TRAPPC12: variants seen among roughly 807,000 people sequenced by gnomAD.
TRAPPC12 encodes the protein TPR repeat protein 15.
TRAPPC12 carries 61 observed loss-of-function variants against 69.2 expected under a neutral mutation model. The observed-to-expected ratio is 0.88, with a 90% confidence interval of 0.72 to 1.09. TRAPPC12 has a LOEUF of 1.09. Among genes scored for constraint, TRAPPC12 ranks in the 50% least tolerant of loss-of-function variants. TRAPPC12 has a pLI of 0.00. For missense variants in TRAPPC12, 1,101 were observed against 1,016.4 expected (o/e 1.08, Z -1.13); for synonymous variants, 469 against 438.9 (o/e 1.07, Z -0.86).
intron 2 of TRAPPC12, 134 bp from the exon 3 acceptor site, chr2:3,401,643 C>T (rs1032270782): frequency 3.4e-5 from 16 of 475,342 alleles, no homozygotes; most frequent in African/African-American, 1.8e-4. Context: ...TGAAGTTTTA[C>T]GATACTATAA....
At chr2:3,456,218 T>C (rs941544201) in intron 6 of TRAPPC12, 13 of 152,226 alleles carry the variant, frequency 8.5e-5, no homozygotes, top group Non-Finnish European at 5.9e-5. Flanking sequence ...CAAATTGTTC[T>C]CCAGTTTCTG....
chr2:3,454,839 C>T (rs1377916346), intron 6 of TRAPPC12: 2 of 152,358 alleles, frequency 1.3e-5, no homozygotes, highest in African/African-American at 4.8e-5. Context: ...CTTGCGTGCT[C>T]ACTACAGAGG....
intron 8 of TRAPPC12, 73 bp from the exon 9 acceptor site, chr2:3,465,524 G>A (rs1665765111): frequency 9.6e-7 from 1 of 1,040,992 alleles, no homozygotes; most frequent in East Asian, 2.4e-5. Context: ...GTATACACTT[G>A]TGCTCTTCTA....
intron 1 of TRAPPC12, among the ~76,000 whole-genome samples, chr2:3,383,871 G>GGTTTTTTTT (rs1660352906): frequency 1.2e-5 from 1 of 85,592 alleles, no homozygotes; most frequent in Non-Finnish European, 2.3e-5. Flanking sequence ...GTTCAGTCTT[G>GGTTTTTTTT]TTTTTTTTTT....
intron 3 of TRAPPC12, among the ~76,000 whole-genome samples, chr2:3,412,078 G>A (rs141401921): frequency 6.6e-6 from 1 of 152,126 alleles, no homozygotes. Context: ...TTCTTGTACT[G>A]TCTTCTTGTA....
chr2:3,425,045 C>G (rs1663024856), intron 5 of TRAPPC12, among the ~76,000 whole-genome samples: 1 of 152,240 alleles, frequency 6.6e-6, no homozygotes, highest in African/African-American at 2.4e-5. Flanking sequence ...GTGCATATGG[C>G]ACACGCCGTG....
chr2:3,458,240 G>C, intron 7 of TRAPPC12: 1 of 987,662 alleles, frequency 1.0e-6, no homozygotes, highest in Non-Finnish European at 1.2e-6. Flanking sequence ...CATGCCAGCT[G>C]CAGCTCGGGG....
At chr2:3,388,718 C>G (rs1475995287) in intron 2 of TRAPPC12, 48 bp downstream of exon 2, 2 of 1,466,020 alleles carry the variant, frequency 1.4e-6, no homozygotes, top group Admixed American at 4.2e-5. Flanking sequence ...CTCTCTGCGT[C>G]TGTGAGATAC....
chr2:3,389,664 A>AGG (rs1452433464), intron 2 of TRAPPC12: 1 of 471,010 alleles, frequency 2.1e-6, no homozygotes, highest in Non-Finnish European at 4.4e-6. Flanking sequence ...GGGCAGCCGA[A>AGG]GGGGGTGGGG....
intron 6 of TRAPPC12, among the ~76,000 whole-genome samples, chr2:3,448,847 C>A (rs1664697308): frequency 3.3e-5 from 5 of 151,710 alleles, no homozygotes; most frequent in Non-Finnish European, 7.4e-5. Context: ...GGAAGCTGAT[C>A]CCCCACGGAT....
In TRAPPC12 at chr2:3,479,471, A is replaced by G; in HGVS notation, c.*10A>G. On this transcript the variant is annotated 3_prime_UTR_variant, in exon 12 of 12. Transcript: ENST00000324266. The stretch of plus-strand genomic sequence containing the variant: ...CCTCAAGCTGGCCTAGCTGCCTCCA[A>G]CACACTACGTCAGAAGGACCCGGGT... 6.2e-7 allele frequency: 1 copy of G among 1,613,378 alleles called. No homozygotes were observed. Among genetic ancestry groups the G allele is most frequent in the Non-Finnish European group, 8.5e-7 (1 of 1,179,734 alleles).
intron 9 of TRAPPC12, among the ~76,000 whole-genome samples, chr2:3,476,500 C>T (rs972806931): frequency 5.3e-5 from 8 of 152,306 alleles, no homozygotes; most frequent in East Asian, 1.9e-4. Flanking sequence ...TACTGGGAGG[C>T]GAGCCTGCCT....
chr2:3,403,230 A>ATTTTTTTTTT (rs35354979), intron 3 of TRAPPC12, among the ~76,000 whole-genome samples: 2 of 119,400 alleles, frequency 1.7e-5, no homozygotes, highest in African/African-American at 3.3e-5. Flanking sequence ...GATTTCACCA[A>ATTTTTTTTTT]TTTTTTTTTT....
chr2:3,444,019 G>GCA, intron 6 of TRAPPC12, 128 bp downstream of exon 6: 1 of 679,548 alleles, frequency 1.5e-6, no homozygotes, highest in Non-Finnish European at 2.5e-6. Flanking sequence ...GCCTTCAGAA[G>GCA]GCTAGGTGAC....
Position 3,388,441 on chromosome 2 carries a change from C to T in TRAPPC12, c.818C>T (p.Pro273Leu), listed in dbSNP as rs754726611. 8.7e-6 allele frequency: 14 copies of T among 1,608,320 alleles called. No homozygotes were observed. The highest frequency in any genetic ancestry group is 1.2e-5 in the Non-Finnish European group (14 of 1,177,882). Residue 273 changes from proline (P) to leucine (L), a missense_variant, in exon 2 of 12, where the codon CCC (proline) becomes CTC (leucine). By Grantham distance (98) the Pro-to-Leu change is moderately conservative. Coordinates refer to ENST00000324266, the MANE Select transcript of TRAPPC12 (RefSeq NM_016030.6). Reference protein sequence around the residue: ...VAMRGPQAAAPPASPEPFAHI... With the variant: ...VAMRGPQAAALPASPEPFAHI... ...ATGCGAGGGCCCCAGGCAGCTGCGC[C>T]CCCGGCGTCGCCAGAGCCTTTCGCG...
intron 10 of TRAPPC12, 154 bp from the exon 11 acceptor site, chr2:3,478,692 C>T (rs896354752): frequency 3.1e-5 from 19 of 612,006 alleles, no homozygotes; most frequent in Middle Eastern, 4.3e-4. Flanking sequence ...GAATGCAAAA[C>T]GCAGCTCACC....
chr2:3,461,872 C>T (rs957776303), intron 8 of TRAPPC12, among the ~76,000 whole-genome samples: 9 of 152,192 alleles, frequency 5.9e-5, no homozygotes, highest in African/African-American at 2.2e-4. Context: ...AACCAGGTGA[C>T]CCCGAAGCAC....
At chr2:3,380,377 C>T (rs1281369357) in intron 1 of TRAPPC12, among the ~76,000 whole-genome samples, 2 of 152,214 alleles carry the variant, frequency 1.3e-5, no homozygotes, top group African/African-American at 4.8e-5. Context: ...GTGTAAACGT[C>T]CGCTGTTGCT....
intron 8 of TRAPPC12, chr2:3,462,843 C>T: frequency 2.2e-6 from 1 of 458,280 alleles, no homozygotes; most frequent in East Asian, 7.2e-5. Context: ...CACTTCCCTC[C>T]TGGTGTCCCC....
Sources: allele counts gnomAD v4.1 joint callset (sites outside exome capture counted in the v4.1 genomes callset), GRCh38; gene constraint gnomAD v4.1.1; transcripts MANE v1.5; gene names NCBI Gene and HGNC (gene_info 2026-07-23, HGNC 2026-07-21).